The following BFSP2 variants were observed in gnomAD, a reference collection of about 807,000 sequenced individuals.
BFSP2 encodes beaded filament structural protein 2, also known as phakinin.
In BFSP2, 38 loss-of-function variants were observed where a neutral mutation model predicts 44.9. That is an observed-to-expected ratio of 0.85 (90% CI 0.65 to 1.11). BFSP2 has a LOEUF of 1.11. Ranked by LOEUF, BFSP2 falls within the 50% of genes least tolerant of loss-of-function variation. BFSP2 has a pLI of 0.00. For missense variants in BFSP2, 525 were observed against 533.0 expected (o/e 0.99, Z 0.15); for synonymous variants, 197 against 209.9 (o/e 0.94, Z 0.53).
chr3:133,403,128 C>A (rs1333513808), intron 1 of BFSP2, among the ~76,000 whole-genome samples: 1 of 152,130 alleles, frequency 6.6e-6, no homozygotes, highest in Non-Finnish European at 1.5e-5. Flanking sequence ...AGAGGAAAGG[C>A]CACCTCCCAG....
intron 1 of BFSP2, among the ~76,000 whole-genome samples, chr3:133,416,761 A>C (rs2107889444): frequency 1.2e-5 from 1 of 86,756 alleles, no homozygotes; most frequent in African/African-American, 4.8e-5. Flanking sequence ...TCACCCCTTT[A>C]CTTGCCCCTA....
chr3:133,435,962 G>T (rs888787354), intron 1 of BFSP2, among the ~76,000 whole-genome samples: 1 of 152,040 alleles, frequency 6.6e-6, no homozygotes, highest in African/African-American at 2.4e-5. Context: ...TATGATAGGG[G>T]CTCTTTCCAA....
At chr3:133,402,620 T>C (rs1011102121) in intron 1 of BFSP2, among the ~76,000 whole-genome samples, 2 of 152,050 alleles carry the variant, frequency 1.3e-5, no homozygotes, top group Admixed American at 6.6e-5. Context: ...GTAAGACCAA[T>C]TGATAAAATG....
At chr3:133,458,656 ACTGCACTCCAGC>A (rs2074034927) in intron 4 of BFSP2, among the ~76,000 whole-genome samples, 1 of 152,204 alleles carries the variant, frequency 6.6e-6, no homozygotes, top group South Asian at 2.1e-4. Context: ...AGAACACTCC[ACTGCACTCCAGC>A]CTGGGCGACA....
chr3:133,455,364 T>A (rs1349119396), intron 4 of BFSP2: 3 of 152,216 alleles, frequency 2.0e-5, no homozygotes, highest in African/African-American at 7.2e-5. Context: ...TTTGTTCGGG[T>A]TCTTGGCATC....
In BFSP2 at chr3:133,432,796, AAAC is replaced by A. The variant is rs1359376162; in HGVS notation, c.490-14514_490-14512del. On this transcript the variant is annotated intron_variant, in intron 1 of 6. Coordinates refer to ENST00000302334, the MANE Select transcript of BFSP2 (RefSeq NM_003571.4). The stretch of plus-strand genomic sequence containing the variant: ...CTCTCAAACCCCAGCACCTTCTACA[AAAC>A]AACAACTCCTTTCCTTCCTAGGCAT... Among the ~76,000 whole-genome samples, 8 of 152,246 alleles carry A rather than the reference AAAC, an allele frequency of 5.3e-5. 1 individual carries two copies. In the South Asian group the frequency reaches 6.2e-4, roughly 12 times the overall value.
At chr3:133,414,899 CCCA>C (rs1418227622) in intron 1 of BFSP2, among the ~76,000 whole-genome samples, 1 of 139,732 alleles carries the variant, frequency 7.2e-6, no homozygotes, top group Non-Finnish European at 1.6e-5. Flanking sequence ...CTGTCCTCTC[CCCA>C]CTACTCACTC....
intron 1 of BFSP2, among the ~76,000 whole-genome samples, chr3:133,406,157 C>G (rs2073403048): frequency 6.6e-6 from 1 of 151,062 alleles, no homozygotes; most frequent in African/African-American, 2.4e-5. Context: ...CAGGGTTTCA[C>G]CATGTTGGCC....
intron 4 of BFSP2, among the ~76,000 whole-genome samples, chr3:133,458,996 T>C (rs2074038047): frequency 6.6e-6 from 1 of 152,212 alleles, no homozygotes; most frequent in Non-Finnish European, 1.5e-5. Flanking sequence ...CTGACTGTGC[T>C]GATCTCAAAG....
chr3:133,438,980 T>C (rs2073818714), intron 1 of BFSP2, among the ~76,000 whole-genome samples: 1 of 152,244 alleles, frequency 6.6e-6, no homozygotes, highest in Non-Finnish European at 1.5e-5. Context: ...AGGTGTGAGT[T>C]AAGTTCTAGC....
chr3:133,428,384 A>G (rs7427918), intron 1 of BFSP2, among the ~76,000 whole-genome samples: 127,064 of 151,786 alleles, frequency 0.84, 53,413 homozygotes, highest in Middle Eastern at 0.94. Flanking sequence ...CAGTAAGTCA[A>G]GCTCTGGGGC....
At chr3:133,473,007 C>T (rs1166133600) in intron 6 of BFSP2, among the ~76,000 whole-genome samples, 1 of 150,686 alleles carries the variant, frequency 6.6e-6, no homozygotes, top group African/African-American at 2.4e-5. Flanking sequence ...AGGCTGGTCT[C>T]GACTCAAACC....
intron 1 of BFSP2, among the ~76,000 whole-genome samples, chr3:133,407,493 T>G (rs1317253719): frequency 6.6e-6 from 1 of 152,200 alleles, no homozygotes; most frequent in African/African-American, 2.4e-5. Context: ...AATTCCATTT[T>G]TTTTTCTAGA....
intron 1 of BFSP2, chr3:133,412,287 G>A (rs1306926015): frequency 1.3e-5 from 2 of 152,218 alleles, no homozygotes; most frequent in Non-Finnish European, 2.9e-5. Context: ...TAAAAATGCA[G>A]CTAGAAGACC....
chr3:133,444,283 C>G (rs1415588005), intron 1 of BFSP2, among the ~76,000 whole-genome samples: 1 of 152,020 alleles, frequency 6.6e-6, no homozygotes, highest in African/African-American at 2.4e-5. Flanking sequence ...TAATGGCTAC[C>G]GTTCATGCAA....
At chr3:133,446,077 G>A (rs1316286578) in intron 1 of BFSP2, among the ~76,000 whole-genome samples, 3 of 152,176 alleles carry the variant, frequency 2.0e-5, no homozygotes, top group Non-Finnish European at 4.4e-5. Context: ...GCTCCCCAGT[G>A]TGCCCCAGGC....
chr3:133,470,009 A>C (rs2107943437), intron 5 of BFSP2, among the ~76,000 whole-genome samples: 1 of 131,426 alleles, frequency 7.6e-6, no homozygotes, highest in Middle Eastern at 4.3e-3. Flanking sequence ...ACTAGTCACA[A>C]GTTAAGTACT....
At chr3:133,439,585 G>A (rs545551056) in intron 1 of BFSP2, among the ~76,000 whole-genome samples, 1 of 152,352 alleles carries the variant, frequency 6.6e-6, no homozygotes, top group African/African-American at 2.4e-5. Context: ...TTTGAAGGAT[G>A]GATAGGAGTT....
chr3:133,418,442 G>A (rs2073564801), intron 1 of BFSP2, among the ~76,000 whole-genome samples: 1 of 152,162 alleles, frequency 6.6e-6, no homozygotes. Context: ...GAAGCCCCGG[G>A]AGGTCACGGG....
Sources: allele counts gnomAD v4.1 joint callset (sites outside exome capture counted in the v4.1 genomes callset), GRCh38; gene constraint gnomAD v4.1.1; transcripts MANE v1.5; gene names NCBI Gene and HGNC (gene_info 2026-07-23, HGNC 2026-07-21).